HNRNPUL1: variants seen among roughly 807,000 people sequenced by gnomAD.
HNRNPUL1 encodes heterogeneous nuclear ribonucleoprotein U like 1.
HNRNPUL1 carries 14 observed loss-of-function variants against 108.5 expected under a neutral mutation model. The observed-to-expected ratio is 0.13, with a 90% CI of 0.09 to 0.20. The LOEUF (loss-of-function observed/expected upper bound fraction) is 0.20, where lower values mean the gene tolerates loss of function less well. HNRNPUL1 is among the 10% of genes least tolerant of loss of function. HNRNPUL1 has a pLI of 1.00. For synonymous variants in HNRNPUL1, 422 were observed against 445.2 expected (o/e 0.95, Z 0.66); for missense variants, 804 against 1,168.3 (o/e 0.69, Z 4.55).
chr19:41,293,277 A>T (rs531143481), intron 8 of HNRNPUL1, among the ~76,000 whole-genome samples: 1 of 152,298 alleles, frequency 6.6e-6, no homozygotes, highest in East Asian at 1.9e-4. Context: ...TTTGGAGTTC[A>T]TCTGTTCTTT....
intron 5 of HNRNPUL1, chr19:41,278,249 C>CG (rs2035692848): frequency 6.6e-6 from 1 of 151,514 alleles, no homozygotes; most frequent in Non-Finnish European, 1.5e-5. Flanking sequence ...TTAGTAGAGA[C>CG]GGGGTTTCAT....
chr19:41,304,090 A>G lies in HNRNPUL1; in HGVS notation c.2091A>G (p.Pro697=), dbSNP rs1056854. The G allele has an allele frequency of 0.15, 241,629 of 1,613,080 alleles. 19,102 individuals carry two copies. Among genetic ancestry groups the G allele is most frequent in the Middle Eastern group, 0.2 (1,229 of 6,060 alleles). Residue 697 remains proline, a synonymous_variant, in exon 13 of 15, where the codon CCA becomes CCG. Transcript: ENST00000392006. The part of the protein sequence containing the change: ...SYNRAPQQQP[P]PQQPPPPQPP... The stretch of plus-strand genomic sequence containing the variant: ...ACCGGGCTCCCCAGCAACAGCCGCC[A>G]CCACAGCAGCCTCCGCCACCACAGC...
Position 41,264,509 on chromosome 19 carries a change from T to TG in HNRNPUL1, c.7dup (p.Val3GlyfsTer29). 7.0e-7 allele frequency: 1 copy of TG among 1,425,274 alleles called. No homozygotes were observed. 88.3% of individuals were successfully genotyped at this position (1,425,274 alleles called of 1,614,324 possible). ...CCACCCCGGGGGCCCGGGCCATGGA[T>TG]GTGCGCCGTCTGAAGGTGAACGAAC... On this transcript the variant is annotated frameshift_variant, in exon 1 of 15. Coordinates refer to ENST00000392006, the MANE Select transcript of HNRNPUL1 (RefSeq NM_007040.6). LOFTEE classifies it high-confidence loss of function.
At chr19:41,281,358 C>G in intron 7 of HNRNPUL1, 83 bp downstream of exon 7, 2 of 844,286 alleles carry the variant, frequency 2.4e-6, no homozygotes, top group Non-Finnish European at 2.0e-6. Flanking sequence ...TATCCATTGT[C>G]TGCCCCATAT....
chr19:41,274,831 A>G (rs1012572148), intron 4 of HNRNPUL1, among the ~76,000 whole-genome samples: 1 of 152,242 alleles, frequency 6.6e-6, no homozygotes, highest in Non-Finnish European at 1.5e-5. Context: ...AGAGATAAAA[A>G]TATACACAAT....
At chr19:41,290,064 C>T (rs931311179) in intron 7 of HNRNPUL1, among the ~76,000 whole-genome samples, 1 of 152,064 alleles carries the variant, frequency 6.6e-6, no homozygotes, top group Non-Finnish European at 1.5e-5. Context: ...GGCATGAGGG[C>T]CTCTGACACA....
chr19:41,282,835 G>A (rs1000710297), intron 7 of HNRNPUL1, among the ~76,000 whole-genome samples: 7 of 148,810 alleles, frequency 4.7e-5, no homozygotes, highest in African/African-American at 1.5e-4. Flanking sequence ...GACTACAGGC[G>A]CCCGCCACTA....
At chr19:41,265,218 G>A in intron 1 of HNRNPUL1, 2 of 1,518,828 alleles carry the variant, frequency 1.3e-6, no homozygotes, top group South Asian at 2.4e-5. Context: ...GTGTGGGCTG[G>A]GGGGTGGGGA....
At chr19:41,281,126 G>A in intron 6 of HNRNPUL1, 37 bp from the exon 7 acceptor site, 1 of 1,359,626 alleles carries the variant, frequency 7.4e-7, no homozygotes, top group African/African-American at 1.4e-5. Flanking sequence ...TATGACCATC[G>A]CAGGTTTAAC....
upstream of HNRNPUL1, chr19:41,262,855 C>G (rs1051009510): frequency 6.6e-6 from 1 of 152,048 alleles, no homozygotes; most frequent in Admixed American, 6.6e-5. Flanking sequence ...GCCTGGCCAA[C>G]ATGGTGAAAC....
chr19:41,264,373 T>G lies in HNRNPUL1; in HGVS notation c.-131T>G. ...AGGGGGGAGGCGGTGGCGGCGGCCA[T>G]TTTGAGCCGCTGCCGCCATTGGAGT... is the stretch of plus-strand genomic sequence containing the variant. On this transcript the variant is annotated 5_prime_UTR_variant, in exon 1 of 15. Coordinates refer to ENST00000392006, the MANE Select transcript of HNRNPUL1 (RefSeq NM_007040.6). 2.7e-6 allele frequency: 2 copies of G among 753,034 alleles called. No homozygotes were observed. Among genetic ancestry groups the G allele is most frequent in the Non-Finnish European group, 3.7e-6 (2 of 540,554 alleles). 46.6% of individuals were successfully genotyped at this position (753,034 alleles called of 1,614,324 possible). A position where few individuals can be genotyped will look rare whatever the true frequency, so the allele number is the denominator to read the frequency against.
At chr19:41,271,922 G>C (rs1195294734) in intron 2 of HNRNPUL1, among the ~76,000 whole-genome samples, 160 bp from the exon 3 acceptor site, 1 of 152,150 alleles carries the variant, frequency 6.6e-6, no homozygotes, top group East Asian at 1.9e-4. Context: ...TTCTTGGCTG[G>C]CTCAGCAGGC....
chr19:41,304,118 C>A lies in HNRNPUL1; in HGVS notation c.2119C>A (p.Pro707Thr), dbSNP rs752931436. Residue 707 changes from proline (P) to threonine (T), a missense_variant, in exon 13 of 15, where the codon CCA (proline) becomes ACA (threonine). Coordinates refer to ENST00000392006, the MANE Select transcript of HNRNPUL1 (RefSeq NM_007040.6). ...ACAGCAGCCTCCGCCACCACAGCCA[C>A]CACCCCAGCAGCCACCGCCACCACC... ...PPQQPPPPQP[P>T]PQQPPPPPSY... is the part of the protein sequence containing the mutation. 3 of 1,613,596 alleles carry A rather than the reference C, an allele frequency of 1.9e-6. No homozygotes were observed. Among genetic ancestry groups the A allele is most frequent in the Non-Finnish European group, 2.5e-6 (3 of 1,179,582 alleles).
Position 41,264,670 on chromosome 19 carries a change from G to C in HNRNPUL1, c.167G>C (p.Arg56Pro). 6.3e-7 allele frequency: 1 copy of C among 1,580,354 alleles called. No individual in the cohort carries two copies. The highest frequency in any genetic ancestry group is 1.9e-4 in the Middle Eastern group (1 of 5,306). Residue 56 changes from arginine (R) to proline (P), a missense_variant, in exon 1 of 15, where the codon CGA (arginine) becomes CCA (proline). Around this residue, in one of 4 missense-constraint regions of HNRNPUL1, gnomAD observed 256 missense variants for 261.6 expected, o/e 0.98. Transcript: ENST00000392006. ...RELDADDEPG[R>P]PGHINEEVET... The stretch of plus-strand genomic sequence containing the variant: ...CTCGACGCCGACGACGAACCGGGGC[G>C]ACCCGGGCACATCAACGAGGAGGTC...
chr19:41,301,266 G>C (rs958955551), intron 10 of HNRNPUL1, among the ~76,000 whole-genome samples: 1 of 152,176 alleles, frequency 6.6e-6, no homozygotes, highest in Non-Finnish European at 1.5e-5. Context: ...GTAAGGTCCA[G>C]TACCAAGAAC....
Position 41,268,261 on chromosome 19 carries a change from G to A in HNRNPUL1, c.334G>A (p.Asp112Asn), listed in dbSNP as rs754021782. The change falls in exon 2 of 15, where the codon GAT (aspartate) becomes AAT (asparagine). Residue 112 changes from aspartate to asparagine, a missense_variant. By Grantham distance (23) the Asp-to-Asn change is conservative. Coordinates refer to ENST00000392006, the MANE Select transcript of HNRNPUL1 (RefSeq NM_007040.6). ...TATTACCAGGCAGAACCAATTCTAC[G>A]ATACCCAAGTCATCAAACAAGAAAA... is the stretch of plus-strand genomic sequence containing the variant. ...DNITRQNQFY[D>N]TQVIKQENES... The A allele has an allele frequency of 1.2e-6, 2 of 1,613,886 alleles. No individual in the cohort carries two copies. Among genetic ancestry groups the A allele is most frequent in the Non-Finnish European group, 1.7e-6 (2 of 1,179,926 alleles).
intron 13 of HNRNPUL1, among the ~76,000 whole-genome samples, chr19:41,304,584 T>G (rs1472641924): frequency 6.6e-6 from 1 of 152,232 alleles, no homozygotes; most frequent in African/African-American, 2.4e-5. Flanking sequence ...CTAACCTCAC[T>G]AAATCCCCAA....
chr19:41,264,973 A>G, intron 1 of HNRNPUL1, 175 bp downstream of exon 1: 1 of 1,341,288 alleles, frequency 7.5e-7, no homozygotes, highest in Non-Finnish European at 9.5e-7. Flanking sequence ...CGGAGGGTGG[A>G]TCCTGACACT....
At chr19:41,288,617 A>G (rs984400549) in intron 7 of HNRNPUL1, among the ~76,000 whole-genome samples, 8 of 152,052 alleles carry the variant, frequency 5.3e-5, no homozygotes, top group African/African-American at 1.9e-4. Flanking sequence ...TCATTGTATG[A>G]CTGTACCATA....
Sources: gnomAD v4.1 joint callset for allele counts (sites outside exome capture counted in the v4.1 genomes callset) on GRCh38, gnomAD v4.1.1 for gene constraint, gnomAD v4.1.1 regional missense constraint, MANE v1.5 for transcripts, NCBI Gene and HGNC (gene_info 2026-07-23, HGNC 2026-07-21) for gene names.